Variants in CACHD1 observed in about 807,000 individuals in gnomAD.
The protein encoded by CACHD1 is VWFA and cache domain-containing protein 1.
A neutral mutation model predicts 138.7 loss-of-function variants in CACHD1; 71 were observed. The ratio of observed to expected loss-of-function variants is 0.51; its 90% confidence interval spans 0.42 to 0.62. CACHD1 has a LOEUF of 0.62. Ranked by LOEUF, CACHD1 falls within the 20% of genes least tolerant of loss-of-function variation. The pLI is 0.00. For missense variants in CACHD1, 1,389 were observed against 1,625.3 expected, an observed-to-expected ratio of 0.85 and a Z score of 2.50; for synonymous variants, 578 against 591.5, an observed-to-expected ratio of 0.98 and a Z score of 0.33.
At chr1:64,599,572 G>T (rs528502954) in intron 3 of CACHD1, among the ~76,000 whole-genome samples, 1 of 152,070 alleles carries the variant, frequency 6.6e-6, no homozygotes, top group South Asian at 2.1e-4. Flanking sequence ...AGAGAAGGTC[G>T]GATAGATTAT....
intron 19 of CACHD1, 88 bp from the exon 20 acceptor site, chr1:64,675,313 G>A (rs190551934): frequency 3.9e-5 from 38 of 963,066 alleles, no homozygotes; most frequent in African/African-American, 2.1e-4. Flanking sequence ...GCTATTTTTC[G>A]TAGGTAGTTG....
intron 2 of CACHD1, among the ~76,000 whole-genome samples, chr1:64,560,627 A>AG (rs1478251315): frequency 6.6e-6 from 1 of 151,858 alleles, no homozygotes; most frequent in Non-Finnish European, 1.5e-5. Context: ...ACATATGATC[A>AG]GTCTTGGTGG....
chr1:64,633,241 A>G (rs1482367654), intron 6 of CACHD1, among the ~76,000 whole-genome samples: 1 of 152,194 alleles, frequency 6.6e-6, no homozygotes, highest in Non-Finnish European at 1.5e-5. Flanking sequence ...GTCAGGGACC[A>G]TCTGTATATT....
intron 26 of CACHD1, among the ~76,000 whole-genome samples, chr1:64,687,255 G>T (rs1229574670): frequency 1.3e-5 from 2 of 152,180 alleles, no homozygotes; most frequent in Middle Eastern, 3.2e-3. Flanking sequence ...GTGCTCAGCA[G>T]AACTGCCTGG....
At chr1:64,479,085 C>T (rs756345017) in intron 1 of CACHD1, among the ~76,000 whole-genome samples, 1 of 151,944 alleles carries the variant, frequency 6.6e-6, no homozygotes, top group Admixed American at 6.5e-5. Context: ...AATTATTCAG[C>T]GGGTTACAAA....
At chr1:64,478,888 G>A (rs903186115) in intron 1 of CACHD1, among the ~76,000 whole-genome samples, 5 of 151,280 alleles carry the variant, frequency 3.3e-5, no homozygotes, top group African/African-American at 9.7e-5. Flanking sequence ...TGGGTCCAAT[G>A]TTGTCACATG....
chr1:64,582,108 GT>G, intron 2 of CACHD1, 47 bp from the exon 3 acceptor site: 1 of 1,597,200 alleles, frequency 6.3e-7, no homozygotes, highest in South Asian at 1.1e-5. Context: ...AATACAATGA[GT>G]TATTGTCTTG....
In CACHD1 at chr1:64,602,820, T is replaced by C; in HGVS notation, c.425T>C (p.Phe142Ser). The C allele has an allele frequency of 6.2e-7, 1 of 1,612,204 alleles. No homozygotes were observed. The highest frequency in any genetic ancestry group is 8.5e-7 in the Non-Finnish European group (1 of 1,178,526). The stretch of plus-strand genomic sequence containing the variant: ...TATTGTTTCAGATTCGATGGGAACT[T>C]TAATACCAATGTGTCTAGAACAATT... ...PPSMMEFDGN[F>S]NTNVSRTISC... Residue 142 changes from phenylalanine (F) to serine (S), a missense_variant, in exon 4 of 27, where the codon TTT becomes TCT. Phe to Ser is a radical substitution (Grantham distance 155). Transcript: ENST00000651257.
At chr1:64,534,818 CCTT>C (rs1435965127) in intron 1 of CACHD1, among the ~76,000 whole-genome samples, 1 of 152,356 alleles carries the variant, frequency 6.6e-6, no homozygotes, top group East Asian at 1.9e-4. Context: ...AAGCTGATCA[CCTT>C]CTTCAGCTCC....
chr1:64,573,665 T>C (rs982404762), intron 2 of CACHD1, among the ~76,000 whole-genome samples: 5 of 152,212 alleles, frequency 3.3e-5, no homozygotes, highest in Non-Finnish European at 7.3e-5. Context: ...TGGGGGCATG[T>C]GACATTAACA....
intron 1 of CACHD1, among the ~76,000 whole-genome samples, chr1:64,497,036 T>TA (rs1005586650): frequency 1.0e-3 from 148 of 145,822 alleles, no homozygotes; most frequent in Admixed American, 1.2e-3. Context: ...ATTTGGTCCT[T>TA]AAAAAAAAAA....
intron 4 of CACHD1, among the ~76,000 whole-genome samples, chr1:64,622,332 G>A (rs1450340116): frequency 2.6e-5 from 4 of 152,300 alleles, no homozygotes; most frequent in African/African-American, 9.6e-5. Context: ...TTGTGTCTGT[G>A]CGATTTTCCA....
In CACHD1 at chr1:64,673,517, A is replaced by G. The variant is rs1036365682; in HGVS notation, c.2727+53A>G. On this transcript the variant is annotated intron_variant, in intron 19 of 26. Transcript: ENST00000651257. ...TCATTTTTCCATCCCATTATGGAAC[A>G]TGAATTGGAATCATGGCTAGTGTCT... The G allele has an allele frequency of 6.4e-5, 86 of 1,345,952 alleles. 1 individual carries two copies. The highest frequency in any genetic ancestry group is 4.9e-5 in the Non-Finnish European group (46 of 936,396). The allele number at this position is 1,345,952 out of a possible 1,614,324, so 83.4% of individuals were successfully genotyped here. A position where few individuals can be genotyped will look rare whatever the true frequency, so the allele number is the denominator to read the frequency against.
intron 3 of CACHD1, among the ~76,000 whole-genome samples, chr1:64,583,777 G>C (rs1046451710): frequency 6.6e-6 from 1 of 152,160 alleles, no homozygotes; most frequent in Non-Finnish European, 1.5e-5. Flanking sequence ...GCAGGAAAGA[G>C]TGTGTACAGG....
intron 3 of CACHD1, among the ~76,000 whole-genome samples, chr1:64,582,751 A>C (rs923629794): frequency 6.6e-6 from 1 of 152,180 alleles, no homozygotes; most frequent in African/African-American, 2.4e-5. Flanking sequence ...TTCAGATCAT[A>C]TTGAAACAGG....
At chr1:64,642,021 A>G (rs1056876046) in intron 8 of CACHD1, 52 bp downstream of exon 8, 5 of 1,405,086 alleles carry the variant, frequency 3.6e-6, no homozygotes, top group Non-Finnish European at 3.8e-6. Flanking sequence ...CTCTAAGTGT[A>G]TGCTGCTTTA....
intron 1 of CACHD1, among the ~76,000 whole-genome samples, chr1:64,549,745 A>G (rs1039555339): frequency 6.6e-6 from 1 of 151,954 alleles, no homozygotes; most frequent in Non-Finnish European, 1.5e-5. Flanking sequence ...TGGAGAGTTC[A>G]GTGGTATCTT....
intron 1 of CACHD1, among the ~76,000 whole-genome samples, chr1:64,494,570 C>A (rs1646295929): frequency 6.6e-6 from 1 of 152,190 alleles, no homozygotes; most frequent in African/African-American, 2.4e-5. Flanking sequence ...AAGCTCCAAT[C>A]TAGAATTTAA....
At chr1:64,562,308 T>G (rs1249614921) in intron 2 of CACHD1, among the ~76,000 whole-genome samples, 1 of 151,850 alleles carries the variant, frequency 6.6e-6, no homozygotes, top group Non-Finnish European at 1.5e-5. Context: ...CTTTTGATAT[T>G]TTACTACAAA....
Sources: gnomAD v4.1 joint callset for allele counts (sites outside exome capture counted in the v4.1 genomes callset) on GRCh38, gnomAD v4.1.1 for gene constraint, MANE v1.5 for transcripts, NCBI Gene and HGNC (gene_info 2026-07-23, HGNC 2026-07-21) for gene names.